Variants in TACC2 observed in about 807,000 individuals in gnomAD.
The protein encoded by TACC2 is transforming acidic coiled-coil-containing protein 2.
A neutral mutation model predicts 227.3 loss-of-function variants in TACC2; 137 were observed. The observed-to-expected ratio is 0.60, with a 90% CI of 0.52 to 0.69. The LOEUF is 0.69. Ranked by LOEUF, TACC2 falls within the 30% of genes least tolerant of loss-of-function variation. The probability of loss-of-function intolerance (pLI) is 0.00; values close to 1 mark genes in which losing one functional copy is unlikely to be tolerated. For synonymous variants in TACC2, 1,523 were observed against 1,487.5 expected, an observed-to-expected ratio of 1.02 and a Z score of -0.55; for missense variants, 3,470 against 3,694.4, an observed-to-expected ratio of 0.94 and a Z score of 1.57.
intron 1 of TACC2, among the ~76,000 whole-genome samples, 180 bp downstream of exon 1, chr10:121,989,668 C>G (rs1952949803): frequency 6.6e-6 from 1 of 152,210 alleles, no homozygotes; most frequent in Non-Finnish European, 1.5e-5. Flanking sequence ...TTTTCATCTA[C>G]TGTGCTAGGC....
Position 122,087,115 on chromosome 10 carries a change from C to A in TACC2, c.4615C>A (p.Pro1539Thr). ...GCCAGAGGGGCCTGGGGCAGCCTGG[C>A]CAGGCCTGGAAGGCCAGGCTTACTC... is the stretch of plus-strand genomic sequence containing the variant. ...ERPEGPGAAW[P>T]GLEGQAYSQL... Residue 1539 changes from proline (P) to threonine (T), a missense_variant, in exon 4 of 23, where the codon CCA becomes ACA. Physicochemically the swap from Pro to Thr is conservative, Grantham distance 38 (BLOSUM62 -1). Transcript: ENST00000369005. 6.2e-7 allele frequency: 1 copy of A among 1,609,680 alleles called. No individual in the cohort carries two copies.
At chr10:122,097,905 A>G (rs915180533) in intron 5 of TACC2, among the ~76,000 whole-genome samples, 4 of 152,142 alleles carry the variant, frequency 2.6e-5, no homozygotes, top group African/African-American at 9.7e-5. Context: ...GCCACCCAGC[A>G]AATGTGCACC....
At chr10:122,132,075 A>AAGG (rs2088354226) in intron 5 of TACC2, among the ~76,000 whole-genome samples, 2 of 148,484 alleles carry the variant, frequency 1.3e-5, no homozygotes, top group African/African-American at 2.6e-5. Flanking sequence ...AAAAAGAAAG[A>AAGG]AAGAAAGAGA....
intron 8 of TACC2, among the ~76,000 whole-genome samples, chr10:122,208,898 T>G (rs1275005655): frequency 1.3e-5 from 2 of 152,232 alleles, no homozygotes; most frequent in Non-Finnish European, 2.9e-5. Flanking sequence ...ACACTTTTAG[T>G]TTTCTGGCAT....
chr10:122,061,015 AAAAAGGGGG>A (rs60347525), intron 3 of TACC2, among the ~76,000 whole-genome samples: 97,841 of 139,818 alleles, frequency 0.7, 35,191 homozygotes, highest in South Asian at 0.8. Flanking sequence ...AAAAAAAAAA[AAAAAGGGGG>A]GGGGGCCAGG....
intron 5 of TACC2, among the ~76,000 whole-genome samples, chr10:122,099,979 T>C (rs1210329792): frequency 6.6e-6 from 1 of 152,296 alleles, no homozygotes; most frequent in African/African-American, 2.4e-5. Context: ...CAGAAACTCT[T>C]TGGGGCTGGG....
At chr10:122,195,724 C>G (rs895579368) in intron 8 of TACC2, among the ~76,000 whole-genome samples, 9 of 152,118 alleles carry the variant, frequency 5.9e-5, no homozygotes, top group African/African-American at 2.2e-4. Flanking sequence ...GGTTAGTGGA[C>G]AGGTGGAATA....
intron 3 of TACC2, among the ~76,000 whole-genome samples, chr10:122,061,536 C>T (rs957135325): frequency 6.6e-6 from 1 of 152,104 alleles, no homozygotes; most frequent in Non-Finnish European, 1.5e-5. Flanking sequence ...CCAGGAAGGC[C>T]TGGCATCTTT....
chr10:122,051,069 CT>C (rs976507568), intron 3 of TACC2: 5 of 153,846 alleles, frequency 3.2e-5, no homozygotes, highest in Admixed American at 6.5e-5. Flanking sequence ...CAGTCACTTC[CT>C]TTTTTTTGAG....
At chr10:122,090,012 G>A (rs945054131) in intron 5 of TACC2, among the ~76,000 whole-genome samples, 3 of 152,102 alleles carry the variant, frequency 2.0e-5, no homozygotes, top group Non-Finnish European at 4.4e-5. Context: ...AGGGGCAGGA[G>A]AAATATCTGT....
At chr10:122,117,394 C>T (rs112843653) in intron 5 of TACC2, among the ~76,000 whole-genome samples, 2 of 151,962 alleles carry the variant, frequency 1.3e-5, no homozygotes, top group Non-Finnish European at 2.9e-5. Context: ...GGGGATTTGC[C>T]ATGTTTCCCA....
chr10:122,228,082 C>G, intron 14 of TACC2, 74 bp downstream of exon 14: 1 of 1,492,036 alleles, frequency 6.7e-7, no homozygotes, highest in South Asian at 1.3e-5. Context: ...CCAAGAAGGC[C>G]AGGCCTTCAG....
intron 1 of TACC2, among the ~76,000 whole-genome samples, chr10:122,021,059 G>A (rs1046933740): frequency 6.6e-6 from 1 of 152,054 alleles, no homozygotes; most frequent in Admixed American, 6.6e-5. Flanking sequence ...GTGAAACCCC[G>A]TCTCTACTAA....
At chr10:122,197,925 A>G (rs2094630416) in intron 8 of TACC2, among the ~76,000 whole-genome samples, 1 of 152,264 alleles carries the variant, frequency 6.6e-6, no homozygotes, top group Non-Finnish European at 1.5e-5. Context: ...TTGCTAGTGT[A>G]GGTGGCTGTA....
intron 3 of TACC2, among the ~76,000 whole-genome samples, chr10:122,080,333 A>C (rs773598672): frequency 2.0e-5 from 3 of 151,488 alleles, no homozygotes; most frequent in Non-Finnish European, 4.4e-5. Context: ...CCAGCACTCA[A>C]GTGATCCTCC....
intron 3 of TACC2, among the ~76,000 whole-genome samples, chr10:122,062,457 C>T (rs1043668429): frequency 1.4e-5 from 2 of 145,050 alleles, no homozygotes; most frequent in Admixed American, 7.4e-5. Context: ...GCATGCGCCA[C>T]CACGTCCGGC....
rs778239169 is a variant in TACC2, at chr10:122,085,821, T to G, written c.3321T>G (p.Asp1107Glu). The G allele has an allele frequency of 1.2e-6, 2 of 1,613,034 alleles. No individual in the cohort carries two copies. Among genetic ancestry groups the G allele is most frequent in the Admixed American group, 1.7e-5 (1 of 59,986 alleles). The change falls in exon 4 of 23, where the codon GAT (aspartate) becomes GAG (glutamate). Residue 1107 changes from aspartate (D) to glutamate (E), a missense_variant. Physicochemically the swap from Asp to Glu is conservative, Grantham distance 45. Around this residue, in one of 10 missense-constraint regions of TACC2, gnomAD observed 1,924 missense variants for 1,978.3 expected, o/e 0.97. Coordinates refer to ENST00000369005, the MANE Select transcript of TACC2 (RefSeq NM_206862.4). ...QQKMECWATSDAESPKLLASF... is the reference protein window; with the variant it reads ...QQKMECWATSEAESPKLLASF... The stretch of plus-strand genomic sequence containing the variant: ...AAATGGAGTGCTGGGCCACTTCGGA[T>G]GCAGAGTCCCCAAAGCTTCTTGCAA...
chr10:122,060,523 G>A (rs1365804731), intron 3 of TACC2, among the ~76,000 whole-genome samples: 1 of 152,200 alleles, frequency 6.6e-6, no homozygotes, highest in African/African-American at 2.4e-5. Context: ...ACAGACTATT[G>A]TACTATCTAA....
At chr10:122,011,206 G>A (rs1221136964) in intron 1 of TACC2, among the ~76,000 whole-genome samples, 3 of 110,686 alleles carry the variant, frequency 2.7e-5, no homozygotes, top group African/African-American at 8.1e-5. Flanking sequence ...GGTAGACAGT[G>A]ACACAGGGCC....
Sources: gnomAD v4.1 joint callset for allele counts (sites outside exome capture counted in the v4.1 genomes callset) on GRCh38, gnomAD v4.1.1 for gene constraint, gnomAD v4.1.1 regional missense constraint, MANE v1.5 for transcripts, NCBI Gene and HGNC (gene_info 2026-07-23, HGNC 2026-07-21) for gene names.